Variants in SHC3 observed in about 807,000 individuals in gnomAD.
SHC3 encodes SHC-transforming protein 3.
In SHC3, 15 loss-of-function variants were observed where a neutral mutation model predicts 60.4. The ratio of observed to expected loss-of-function variants is 0.25; its 90% confidence interval spans 0.17 to 0.38. SHC3 has a LOEUF of 0.38. Ranked by LOEUF, SHC3 falls within the 10% of genes least tolerant of loss-of-function variation. The probability of loss-of-function intolerance (pLI) is 1.00; values close to 1 mark genes in which losing one functional copy is unlikely to be tolerated. For missense variants in SHC3, 677 were observed against 786.1 expected (o/e 0.86, Z 1.66); for synonymous variants, 294 against 325.9 (o/e 0.90, Z 1.05).
At chr9:89,088,483 G>A (rs960786864) in intron 2 of SHC3, 3 of 151,888 alleles carry the variant, frequency 2.0e-5, no homozygotes, top group Admixed American at 1.3e-4. Flanking sequence ...TTTGGCTCAG[G>A]AAAAAAACCT....
At chr9:89,039,715 T>C (rs1824642897) in intron 10 of SHC3, among the ~76,000 whole-genome samples, 1 of 150,224 alleles carries the variant, frequency 6.7e-6, no homozygotes, top group South Asian at 2.1e-4. Flanking sequence ...CCACCATCAC[T>C]GTCACTACCA....
At chr9:89,062,433 C>T (rs1353430805) in intron 6 of SHC3, among the ~76,000 whole-genome samples, 1 of 152,174 alleles carries the variant, frequency 6.6e-6, no homozygotes, top group Non-Finnish European at 1.5e-5. Context: ...GGTCAGGAAC[C>T]TTTTGTCCTT....
Position 89,178,038 on chromosome 9 carries a change from C to T in SHC3, c.423G>A (p.Ala141=), listed in dbSNP as rs1004061458. The T allele has an allele frequency of 2.1e-5, 26 of 1,230,626 alleles. No individual in the cohort carries two copies. In the Admixed American group the frequency reaches 4.5e-4, roughly 22 times the overall value. The allele number at this position is 1,230,626 out of a possible 1,614,324, so 76.2% of individuals were successfully genotyped here. The change falls in exon 1 of 12, where the codon GCG becomes GCA. Residue 141 remains alanine, a synonymous_variant. Transcript: ENST00000375835. The surrounding 1 kb of genome is among the most constrained non-coding windows in gnomAD (Gnocchi z 6.9). ...DEPLPRPPRG[A]PHASDQVLGP... ...CCAGCACCTGGTCGCTGGCGTGCGG[C>T]GCCCCCCGAGGGGGCCTGGGCAGCG...
intron 11 of SHC3, chr9:89,037,655 C>G: frequency 1.6e-6 from 1 of 641,310 alleles, no homozygotes; most frequent in African/African-American, 1.8e-5. Flanking sequence ...TATTAAAAGC[C>G]TAGGAGCCTG....
intron 6 of SHC3, among the ~76,000 whole-genome samples, chr9:89,059,678 TG>T (rs1825039437): frequency 2.3e-4 from 8 of 34,352 alleles, no homozygotes; most frequent in African/African-American, 5.7e-4. Flanking sequence ...TGGTGGAGGA[TG>T]GTGGTGGAGG....
At chr9:89,087,489 G>A (rs1368437673) in intron 2 of SHC3, among the ~76,000 whole-genome samples, 1 of 152,150 alleles carries the variant, frequency 6.6e-6, no homozygotes, top group African/African-American at 2.4e-5. Flanking sequence ...GCAGGGGGAC[G>A]AGGTCCACCA....
chr9:89,129,385 C>A (rs11496687), intron 1 of SHC3, among the ~76,000 whole-genome samples: 6,139 of 152,216 alleles, frequency 0.04, 180 homozygotes, highest in Middle Eastern at 0.061. Context: ...GGCCAACATT[C>A]AAATTCAGGA....
chr9:89,064,892 C>T (rs1474964437), intron 6 of SHC3, among the ~76,000 whole-genome samples: 1 of 151,958 alleles, frequency 6.6e-6, no homozygotes, highest in African/African-American at 2.4e-5. Context: ...CTGTTTTGTG[C>T]CGTTATTAAT....
At chr9:89,069,809 C>A (rs539836090) in intron 5 of SHC3, among the ~76,000 whole-genome samples, 2 of 152,344 alleles carry the variant, frequency 1.3e-5, no homozygotes, top group East Asian at 3.9e-4. Flanking sequence ...TGCTGAGATT[C>A]GTGGCCCAAT....
intron 2 of SHC3, among the ~76,000 whole-genome samples, chr9:89,083,287 C>T (rs1461911672): frequency 6.6e-6 from 1 of 152,204 alleles, no homozygotes; most frequent in East Asian, 1.9e-4. Flanking sequence ...AAAGAAGCCT[C>T]AATGCCAAAG....
rs1180581717 is a variant in SHC3 at position 89,006,117 on chromosome 9, ATTACCTAAATTGGGTGTGTCATC to A, written c.*7307_*7329del. ...AACCAATTATAACAAGAAGTGCAGC[ATTACCTAAATTGGGTGTGTCATC>A]TTCCCCTCCTGGGTCACAGGATGAC... On this transcript the variant is annotated 3_prime_UTR_variant, in exon 12 of 12. Transcript: ENST00000375835. The A allele has an allele frequency of 1.3e-5, 2 of 152,244 alleles. No individual in the cohort carries two copies. The allele number at this position is 152,244 out of a possible 1,614,324, so 9.4% of individuals were successfully genotyped here.
At chr9:89,156,124 T>C (rs1826619694) in intron 1 of SHC3, among the ~76,000 whole-genome samples, 1 of 152,088 alleles carries the variant, frequency 6.6e-6, no homozygotes, top group Non-Finnish European at 1.5e-5. Flanking sequence ...CAAGGCTAGG[T>C]CATAAAATCT....
intron 6 of SHC3, among the ~76,000 whole-genome samples, chr9:89,057,079 T>C (rs1824964346): frequency 6.6e-6 from 1 of 152,212 alleles, no homozygotes; most frequent in Non-Finnish European, 1.5e-5. Flanking sequence ...GGCCAGGGCA[T>C]GGGGAACCTT....
In SHC3 at chr9:89,049,291, C is replaced by CAAAACAAAAT. The variant is rs1554690973; in HGVS notation, c.963-2298_963-2297insATTTTGTTTT. ...CAAAACAAAACAAAACAAAACAAAACAAAACCAGAAATGATATGCCAATAC... is the reference window on the plus strand; with the variant it reads ...CAAAACAAAACAAAACAAAACAAAACAAAACAAAATAAAACCAGAAATGATATGCCAATAC... On this transcript the variant is annotated intron_variant, in intron 7 of 11. Transcript: ENST00000375835. Among the ~76,000 whole-genome samples, 57 of 150,434 alleles carry CAAAACAAAAT rather than the reference C, an allele frequency of 3.8e-4. 1 individual carries two copies. Among genetic ancestry groups the CAAAACAAAAT allele is most frequent in the Non-Finnish European group, 1.3e-4 (9 of 67,122 alleles).
At chr9:89,045,541 C>G (rs2117905334) in intron 9 of SHC3, among the ~76,000 whole-genome samples, 1 of 152,288 alleles carries the variant, frequency 6.6e-6, no homozygotes, top group East Asian at 1.9e-4. Flanking sequence ...TCCCAAAGTG[C>G]TGGGATTACA....
In SHC3 at chr9:89,013,460, TC is replaced by T; in HGVS notation, c.1771del (p.Glu591ArgfsTer51). On this transcript the variant is annotated frameshift_variant, in exon 12 of 12. Transcript: ENST00000375835. LOFTEE classifies it high-confidence loss of function. ...GTGCTGGCCAGGTCACTGCTTCCTCTCCACTGGCTGCTGGAGACACAGCTCA... is the reference window on the plus strand; with the variant it reads ...GTGCTGGCCAGGTCACTGCTTCCTCTCACTGGCTGCTGGAGACACAGCTCA... Reference protein sequence around the residue: ...GSELCLQQPVERKQ With the variant: ...GSELCLQQPVXRKQ 6.2e-7 allele frequency: 1 copy of T among 1,612,816 alleles called. No homozygotes were observed. Among genetic ancestry groups the T allele is most frequent in the Non-Finnish European group, 8.5e-7 (1 of 1,179,408 alleles).
intron 1 of SHC3, among the ~76,000 whole-genome samples, chr9:89,157,627 T>G (rs1482731671): frequency 6.6e-6 from 1 of 152,180 alleles, no homozygotes; most frequent in Admixed American, 6.5e-5. Flanking sequence ...TTTAACAATT[T>G]TTTTTTTATT....
chr9:89,053,754 T>G (rs990955121), intron 6 of SHC3, among the ~76,000 whole-genome samples: 2 of 152,228 alleles, frequency 1.3e-5, no homozygotes, highest in African/African-American at 4.8e-5. Context: ...TATTATTTAC[T>G]AAGCATTGCC....
intron 2 of SHC3, chr9:89,109,018 C>T: frequency 1.0e-6 from 1 of 979,222 alleles, no homozygotes; most frequent in Non-Finnish European, 1.2e-6. Flanking sequence ...TTCTGACATT[C>T]TCTGAGGTTC....
Sources: gnomAD v4.1 joint callset for allele counts (sites outside exome capture counted in the v4.1 genomes callset) on GRCh38, gnomAD v4.1.1 for gene constraint, Gnocchi (gnomAD v3.1) non-coding constraint, MANE v1.5 for transcripts, NCBI Gene and HGNC (gene_info 2026-07-23, HGNC 2026-07-21) for gene names.